ACTN1: variants seen among roughly 807,000 people sequenced by gnomAD.
ACTN1 encodes alpha-actinin-1.
Under a neutral mutation model 119.6 loss-of-function variants are expected in ACTN1, and 30 were observed. The observed-to-expected ratio is 0.25, with a 90% CI of 0.19 to 0.34. The LOEUF (loss-of-function observed/expected upper bound fraction) is 0.34, where lower values mean the gene tolerates loss of function less well. ACTN1 is among the 10% of genes least tolerant of loss of function. The pLI is 1.00. For missense variants in ACTN1, 764 were observed against 1,223.4 expected (o/e 0.62, Z 5.60); for synonymous variants, 429 against 472.6 (o/e 0.91, Z 1.20).
intron 1 of ACTN1, among the ~76,000 whole-genome samples, chr14:68,950,294 C>CAAA (rs60899029): frequency 4.9e-5 from 6 of 121,524 alleles, no homozygotes; most frequent in Non-Finnish European, 7.0e-5. Flanking sequence ...GTTGTTGTCT[C>CAAA]AAAAAAAAAA....
chr14:68,874,834 G>A lies in ACTN1; in HGVS notation c.*25C>T, dbSNP rs746883304. 6.5e-7 allele frequency: 1 copy of A among 1,547,352 alleles called. No individual in the cohort carries two copies. Among genetic ancestry groups the A allele is most frequent in the East Asian group, 2.3e-5 (1 of 43,854 alleles). On this transcript the variant is annotated 3_prime_UTR_variant, in exon 22 of 22. Coordinates refer to ENST00000394419, the MANE Select transcript of ACTN1 (RefSeq NM_001130004.2). ...GTGCAAGGCAGGGCACGGCGCACAAGACGAGGGCGGCCGGGCGGGGTGGAT... is the reference window on the plus strand; with the variant it reads ...GTGCAAGGCAGGGCACGGCGCACAAAACGAGGGCGGCCGGGCGGGGTGGAT...
intron 1 of ACTN1, among the ~76,000 whole-genome samples, chr14:68,975,396 A>G (rs902321887): frequency 1.4e-4 from 21 of 152,244 alleles, no homozygotes; most frequent in Admixed American, 1.3e-3. Flanking sequence ...GCCATTTTAC[A>G]TATCTGCTCG....
intron 7 of ACTN1, among the ~76,000 whole-genome samples, chr14:68,902,772 A>G (rs2033424572): frequency 6.6e-6 from 1 of 152,206 alleles, no homozygotes; most frequent in Admixed American, 6.5e-5. Flanking sequence ...GGACAAACCC[A>G]GTATAAGGAA....
chr14:68,936,645 T>G (rs972016343), intron 1 of ACTN1: 1 of 610,590 alleles, frequency 1.6e-6, no homozygotes, highest in Non-Finnish European at 3.1e-6. Context: ...GCAGAGCCCA[T>G]GGGGGAAGAG....
In ACTN1 at chr14:68,874,927, C is replaced by T. The variant is rs2030683009; in HGVS notation, c.2677G>A (p.Asp893Asn). 1.9e-6 allele frequency: 3 copies of T among 1,612,084 alleles called. No homozygotes were observed. Among genetic ancestry groups the T allele is most frequent in the Admixed American group, 1.7e-5 (1 of 59,970 alleles). The change falls in exon 22 of 22, where the codon GAC (aspartate) becomes AAC (asparagine). Residue 893 changes from aspartate (D) to asparagine (N), a missense_variant. Around this residue, in one of 4 missense-constraint regions of ACTN1, gnomAD observed 102 missense variants for 78.2 expected, o/e 1.30. Transcript: ENST00000394419. The part of the protein sequence containing the change: ...IARMAPYTGP[D>N]SVPGALDYMS... ...TAGTCCAGAGCACCTGGCACGGAGTCGGGGCCGGTGTAGGGGGCCATCCGC... is the reference window on the plus strand; with the variant it reads ...TAGTCCAGAGCACCTGGCACGGAGTTGGGGCCGGTGTAGGGGGCCATCCGC...
chr14:68,936,051 G>A (rs2035486874), intron 1 of ACTN1, among the ~76,000 whole-genome samples: 1 of 148,474 alleles, frequency 6.7e-6, no homozygotes. Flanking sequence ...ATCCCTTCCA[G>A]CTCTGCTAGC....
Position 68,955,724 on chromosome 14 carries a change from C to T in ACTN1, c.105+23228G>A, listed in dbSNP as rs189485048. Among the ~76,000 whole-genome samples, 424 of 152,312 alleles carry T rather than the reference C, an allele frequency of 2.8e-3. 2 individuals are homozygous for T. The highest frequency in any genetic ancestry group is 3.7e-3 in the Non-Finnish European group (252 of 68,028). ...GCCCCTCAGAATCCCTGGGATGAAT[C>T]ACTGATCAGCAGGGCCTCCACTGCT... On this transcript the variant is annotated intron_variant, in intron 1 of 21. Coordinates refer to ENST00000394419, the MANE Select transcript of ACTN1 (RefSeq NM_001130004.2).
chr14:68,894,260 GCT>G (rs1485678411), intron 8 of ACTN1, among the ~76,000 whole-genome samples: 17 of 152,170 alleles, frequency 1.1e-4, no homozygotes, highest in Admixed American at 3.9e-4. Context: ...ATCTCCCAAG[GCT>G]CTTGGCCCAA....
At chr14:68,899,593 C>G (rs1276990901) in intron 8 of ACTN1, among the ~76,000 whole-genome samples, 2 of 152,012 alleles carry the variant, frequency 1.3e-5, no homozygotes, top group African/African-American at 4.8e-5. Context: ...TCAAACCACA[C>G]ACTCCTCAGA....
At chr14:68,917,508 C>T (rs533176057) in intron 3 of ACTN1, among the ~76,000 whole-genome samples, 53 of 152,310 alleles carry the variant, frequency 3.5e-4, no homozygotes, top group Non-Finnish European at 5.0e-4. Context: ...AACGTTCCCC[C>T]GCTCCCCTTC....
At chr14:68,881,676 A>G (rs967370973) in intron 16 of ACTN1, among the ~76,000 whole-genome samples, 1 of 152,162 alleles carries the variant, frequency 6.6e-6, no homozygotes, top group Non-Finnish European at 1.5e-5. Flanking sequence ...CTCAGAGGCC[A>G]TGCTCTAGCC....
At position 68,925,484 on chromosome 14, in the gene ACTN1, T is replaced by A; in HGVS notation, c.220+74A>T. Reference sequence around the variant, plus strand: ...AAGAGACCAAAACCAGCTGCGCTCATAGGCAGAGCAGATGCCAAGGTGTCA... The same window carrying A: ...AAGAGACCAAAACCAGCTGCGCTCAAAGGCAGAGCAGATGCCAAGGTGTCA... On this transcript the variant is annotated intron_variant, in intron 2 of 21. Transcript: ENST00000394419. The surrounding 1 kb of genome is among the most constrained non-coding windows in gnomAD (Gnocchi z 4.3). 8.0e-7 allele frequency: 1 copy of A among 1,254,936 alleles called. No homozygotes were observed. Among genetic ancestry groups the A allele is most frequent in the Non-Finnish European group, 1.1e-6 (1 of 891,188 alleles). The allele number at this position is 1,254,936 out of a possible 1,614,324, so 77.7% of individuals were successfully genotyped here.
chr14:68,919,619 C>G (rs1329212005), intron 3 of ACTN1, among the ~76,000 whole-genome samples: 2 of 152,192 alleles, frequency 1.3e-5, no homozygotes, highest in Non-Finnish European at 2.9e-5. Flanking sequence ...AAGGTTTCTG[C>G]CTTTGAGAAG....
Position 68,877,233 on chromosome 14 carries a change from G to C in ACTN1, c.2435C>G (p.Ala812Gly), listed in dbSNP as rs555365876. The C allele has an allele frequency of 6.2e-7, 1 of 1,614,124 alleles. No individual in the cohort carries two copies. Among genetic ancestry groups the C allele is most frequent in the Non-Finnish European group, 8.5e-7 (1 of 1,180,016 alleles). ...LISMGYNMGE[A>G]EFARIMSIVD... ...AATGCTCATGATGCGGGCAAATTCT[G>C]CTTCTCCCTGGAGGGAACAGCCAAA... The change falls in exon 21 of 22, where the codon GCA becomes GGA. Residue 812 changes from alanine to glycine, a missense_variant. Physicochemically the swap from Ala to Gly is moderately conservative, Grantham distance 60. Around this residue, in one of 4 missense-constraint regions of ACTN1, gnomAD observed 544 missense variants for 912.0 expected, o/e 0.60. Transcript: ENST00000394419.
At position 68,910,008 on chromosome 14, in the gene ACTN1, A is replaced by G. The variant is rs772300669; in HGVS notation, c.462T>C (p.Cys154=). 5 of 1,613,944 alleles carry G rather than the reference A, an allele frequency of 3.1e-6. No homozygotes were observed. Among genetic ancestry groups the G allele is most frequent in the Non-Finnish European group, 4.2e-6 (5 of 1,179,964 alleles). The part of the protein sequence containing the change: ...TSAKEGLLLW[C]QRKTAPYKNV... ...TTTTGTAAGGGGCTGTCTTTCTCTGACACCACAGGAGCAGCCCTTCCTTGG... is the reference window on the plus strand; with the variant it reads ...TTTTGTAAGGGGCTGTCTTTCTCTGGCACCACAGGAGCAGCCCTTCCTTGG... The change falls in exon 5 of 22, where the codon TGT becomes TGC. Residue 154 remains cysteine (C), a synonymous_variant. Coordinates refer to ENST00000394419, the MANE Select transcript of ACTN1 (RefSeq NM_001130004.2).
At chr14:68,877,311 C>A (rs1023815439) in intron 20 of ACTN1, 71 bp from the exon 21 acceptor site, 10 of 1,578,686 alleles carry the variant, frequency 6.3e-6, no homozygotes, top group South Asian at 1.1e-5. Context: ...GGACTGAAGA[C>A]CCTGGGGGCT....
intron 11 of ACTN1, chr14:68,886,239 C>T (rs1457333114): frequency 6.6e-6 from 1 of 152,222 alleles, no homozygotes; most frequent in East Asian, 1.9e-4. Context: ...GCCCAGCCTC[C>T]CTCACTCACA....
chr14:68,876,915 G>A (rs1382205068), intron 21 of ACTN1, among the ~76,000 whole-genome samples, 167 bp downstream of exon 21: 1 of 152,162 alleles, frequency 6.6e-6, no homozygotes, highest in Non-Finnish European at 1.5e-5. Flanking sequence ...CACCTTAGCT[G>A]AGCCCAAGAC....
intron 1 of ACTN1, among the ~76,000 whole-genome samples, chr14:68,938,795 T>C (rs142909625): frequency 1.3e-5 from 2 of 152,344 alleles, no homozygotes; most frequent in Non-Finnish European, 2.9e-5. Flanking sequence ...TCCCATCCAC[T>C]GTCTATTTAA....
Sources: allele counts gnomAD v4.1 joint callset (sites outside exome capture counted in the v4.1 genomes callset), GRCh38; gene constraint gnomAD v4.1.1; regional missense constraint gnomAD v4.1.1; non-coding constraint Gnocchi (gnomAD v3.1); transcripts MANE v1.5; gene names NCBI Gene and HGNC (gene_info 2026-07-23, HGNC 2026-07-21).